BUB3: variants seen among roughly 807,000 people sequenced by gnomAD.
BUB3 encodes the protein mitotic checkpoint protein BUB3.
BUB3 carries 22 observed loss-of-function variants against 39.9 expected under a neutral mutation model. The observed-to-expected ratio is 0.55, with a 90% CI of 0.39 to 0.79. BUB3 has a LOEUF of 0.79. Ranked by LOEUF, BUB3 falls within the 30% of genes least tolerant of loss-of-function variation. The pLI, the probability that BUB3 is intolerant of heterozygous loss-of-function variation, is 0.00. For synonymous variants in BUB3, 168 were observed against 155.1 expected (o/e 1.08, Z -0.62); for missense variants, 303 against 415.4 (o/e 0.73, Z 2.35).
rs1844525037 is a variant in BUB3 at position 123,169,245 on chromosome 10, T to G, written c.*5410T>G. 1 of 152,262 alleles carries G rather than the reference T, an allele frequency of 6.6e-6. No homozygotes were observed. Among genetic ancestry groups the G allele is most frequent in the African/African-American group, 2.4e-5 (1 of 41,472 alleles). The allele number at this position is 152,262 out of a possible 1,614,324, so 9.4% of individuals were successfully genotyped here. On this transcript the variant is annotated 3_prime_UTR_variant, in exon 8 of 8. Coordinates refer to ENST00000368865, the MANE Select transcript of BUB3 (RefSeq NM_004725.4). ...AGTGAGGGCCAGTTAGTATACATAA[T>G]TTTTACAAAATTTGGATCATATTAC...
chr10:123,160,600 T>G (rs1844408951), intron 5 of BUB3, 35 bp downstream of exon 5: 1 of 1,500,770 alleles, frequency 6.7e-7, no homozygotes, highest in Non-Finnish European at 8.9e-7. Flanking sequence ...TTCTGGAATT[T>G]GAAAATAATA....
chr10:123,162,184 GT>G, intron 5 of BUB3, 51 bp from the exon 6 acceptor site: 1 of 1,551,188 alleles, frequency 6.4e-7, no homozygotes, highest in Non-Finnish European at 8.8e-7. Flanking sequence ...TTAGCACCTT[GT>G]TTTTGGAAGC....
rs1844471080 is a variant in BUB3 at position 123,164,982 on chromosome 10, G to GT, written c.*1148dup. The GT allele has an allele frequency of 7.8e-6, 12 of 1,538,426 alleles. No individual in the cohort carries two copies. In the African/African-American group the frequency reaches 1.7e-4, roughly 22 times the overall value. On this transcript the variant is annotated 3_prime_UTR_variant, in exon 8 of 8. Transcript: ENST00000368865. ...CAGAGAAGGGTCTTTTTTTTTTTAAGTATTTCAGTGAAAACTTGGTGTAAG... is the reference window on the plus strand; with the variant it reads ...CAGAGAAGGGTCTTTTTTTTTTTAAGTTATTTCAGTGAAAACTTGGTGTAAG...
At position 123,170,042 on chromosome 10, in the gene BUB3, G is replaced by C. The variant is rs1250202935; in HGVS notation, c.*6207G>C. On this transcript the variant is annotated 3_prime_UTR_variant, in exon 8 of 8. Coordinates refer to ENST00000368865, the MANE Select transcript of BUB3 (RefSeq NM_004725.4). ...ACTGCACTCCAGCCTAGGTGACAGA[G>C]TGAGACCTTATCTTAATCTAAAAAA... 6.6e-6 allele frequency: 1 copy of C among 152,178 alleles called. No individual in the cohort carries two copies. Among genetic ancestry groups the C allele is most frequent in the African/African-American group, 2.4e-5 (1 of 41,410 alleles). 9.4% of individuals were successfully genotyped at this position (152,178 alleles called of 1,614,324 possible).
intron 4 of BUB3, among the ~76,000 whole-genome samples, chr10:123,158,775 C>A (rs555350874): frequency 1.6e-4 from 25 of 152,174 alleles, no homozygotes; most frequent in Non-Finnish European, 3.4e-4. Flanking sequence ...TGATAAATTG[C>A]TGACAGAATA....
chr10:123,160,787 A>C (rs1844411650), intron 5 of BUB3, among the ~76,000 whole-genome samples: 1 of 152,136 alleles, frequency 6.6e-6, no homozygotes, highest in African/African-American at 2.4e-5. Context: ...AGAGAGACCA[A>C]GTAATCTGCT....
Position 123,160,581 on chromosome 10 carries a change from TC to T in BUB3, c.576+18del. 1 of 1,524,350 alleles carries T rather than the reference TC, an allele frequency of 6.6e-7. No individual in the cohort carries two copies. Among genetic ancestry groups the T allele is most frequent in the Non-Finnish European group, 8.8e-7 (1 of 1,136,796 alleles). The allele number at this position is 1,524,350 out of a possible 1,614,324, so 94.4% of individuals were successfully genotyped here. On this transcript the variant is annotated intron_variant, in intron 5 of 7. Transcript: ENST00000368865. ...AAACAAGCAGGTATTGAACTATACCTCCTCTTCTTTCTGGAATTTGAAAATA... is the reference window on the plus strand; with the variant it reads ...AAACAAGCAGGTATTGAACTATACCTCTCTTCTTTCTGGAATTTGAAAATA...
chr10:123,158,668 C>T (rs1844381367), intron 4 of BUB3, among the ~76,000 whole-genome samples: 1 of 152,174 alleles, frequency 6.6e-6, no homozygotes, highest in Non-Finnish European at 1.5e-5. Context: ...TGTCACATCA[C>T]AGTCGAATCT....
chr10:123,162,468 T>C, intron 6 of BUB3, 55 bp downstream of exon 6: 2 of 1,584,464 alleles, frequency 1.3e-6, no homozygotes, highest in Non-Finnish European at 1.7e-6. Flanking sequence ...GGTGCTTGCT[T>C]TTTATGGTAT....
At chr10:123,160,290 G>A in intron 4 of BUB3, 117 bp from the exon 5 acceptor site, 2 of 890,936 alleles carry the variant, frequency 2.2e-6, no homozygotes, top group Non-Finnish European at 3.3e-6. Context: ...TCTGTGATTG[G>A]GGAATTCAGT....
At chr10:123,163,742 A>G in intron 7 of BUB3, 78 bp from the exon 8 acceptor site, 2 of 1,334,424 alleles carry the variant, frequency 1.5e-6, no homozygotes, top group Non-Finnish European at 2.1e-6. Flanking sequence ...GTTTGCATTT[A>G]ATCTGTCACT....
Position 123,155,732 on chromosome 10 carries a change from T to C in BUB3, c.265+5T>C. On this transcript the variant is annotated splice_donor_5th_base_variant and intron_variant, in intron 3 of 7. Coordinates refer to ENST00000368865, the MANE Select transcript of BUB3 (RefSeq NM_004725.4). Reference sequence around the variant, plus strand: ...ATGATTTGAACACTGATCAAGGTAATGTGACCATATCTTTACCAGTTTGTT... The same window carrying C: ...ATGATTTGAACACTGATCAAGGTAACGTGACCATATCTTTACCAGTTTGTT... 6.2e-7 allele frequency: 1 copy of C among 1,613,060 alleles called. No individual in the cohort carries two copies. The highest frequency in any genetic ancestry group is 8.5e-7 in the Non-Finnish European group (1 of 1,178,992).
chr10:123,156,293 G>T (rs2133565283), intron 3 of BUB3, among the ~76,000 whole-genome samples: 1 of 152,208 alleles, frequency 6.6e-6, no homozygotes, highest in South Asian at 2.1e-4. Flanking sequence ...AAATTTTTTT[G>T]GTGACATTGG....
At chr10:123,158,726 A>G (rs1243141492) in intron 4 of BUB3, among the ~76,000 whole-genome samples, 3 of 152,264 alleles carry the variant, frequency 2.0e-5, no homozygotes, top group East Asian at 3.9e-4. Context: ...CATTGTTTCT[A>G]GTTTTGATTT....
Position 123,160,537 on chromosome 10 carries a change from G to C in BUB3, c.548G>C (p.Arg183Pro), listed in dbSNP as rs753417733. The change falls in exon 5 of 8, where the codon CGC becomes CCC. Residue 183 changes from arginine (R) to proline (P), a missense_variant. By Grantham distance (103) the Arg-to-Pro change is moderately radical. This residue lies in a region of BUB3 where 182 missense variants were observed against 293.1 expected (regional missense o/e 0.62). Coordinates refer to ENST00000368865, the MANE Select transcript of BUB3 (RefSeq NM_004725.4). Reference sequence around the variant, plus strand: ...GAGTCCAGCCTGAAATACCAGACTCGCTGCATACGAGCGTTTCCAAACAAG... The same window carrying C: ...GAGTCCAGCCTGAAATACCAGACTCCCTGCATACGAGCGTTTCCAAACAAG... ...RRESSLKYQT[R>P]CIRAFPNKQG... 1 of 1,607,736 alleles carries C rather than the reference G, an allele frequency of 6.2e-7. No homozygotes were observed. Among genetic ancestry groups the C allele is most frequent in the Non-Finnish European group, 8.5e-7 (1 of 1,178,176 alleles).
chr10:123,154,722 G>T, intron 1 of BUB3, 196 bp from the exon 2 acceptor site: 1 of 597,178 alleles, frequency 1.7e-6, no homozygotes, highest in Non-Finnish European at 2.8e-6. Context: ...GGCTGGGCCG[G>T]TTTGGGCGCG....
At chr10:123,155,570 C>A in intron 2 of BUB3, 88 bp from the exon 3 acceptor site, 1 of 1,275,884 alleles carries the variant, frequency 7.8e-7, no homozygotes, top group Non-Finnish European at 1.1e-6. Flanking sequence ...ATATCCCGAG[C>A]ATAAACTGAA....
chr10:123,154,871 GCCCCAGCCCGCGGGA>G (rs778591386), intron 1 of BUB3, 32 bp from the exon 2 acceptor site: 2 of 1,569,002 alleles, frequency 1.3e-6, no homozygotes, highest in South Asian at 2.4e-5. Context: ...TCAGTGCGCA[GCCCCAGCCCGCGGGA>G]CCCCTGGGGA....
chr10:123,167,478 A>T lies in BUB3; in HGVS notation c.*3643A>T, dbSNP rs374675229. 6.6e-6 allele frequency: 1 copy of T among 152,182 alleles called. No homozygotes were observed. The highest frequency in any genetic ancestry group is 1.5e-5 in the Non-Finnish European group (1 of 68,042). 9.4% of individuals were successfully genotyped at this position (152,182 alleles called of 1,614,324 possible). On this transcript the variant is annotated 3_prime_UTR_variant, in exon 8 of 8. Coordinates refer to ENST00000368865, the MANE Select transcript of BUB3 (RefSeq NM_004725.4). The stretch of plus-strand genomic sequence containing the variant: ...GGCATTTAAACATTTTTGTATGCGT[A>T]CATCTTGCTTTCCTACTTAAAGCAA...
Sources: allele counts gnomAD v4.1 joint callset (sites outside exome capture counted in the v4.1 genomes callset), GRCh38; gene constraint gnomAD v4.1.1; regional missense constraint gnomAD v4.1.1; transcripts MANE v1.5; gene names NCBI Gene and HGNC (gene_info 2026-07-23, HGNC 2026-07-21).